The following ODAD2 variants were observed in gnomAD, a reference collection of about 807,000 sequenced individuals.
ODAD2 encodes outer dynein arm-docking complex subunit 2.
Under a neutral mutation model 106.8 loss-of-function variants are expected in ODAD2, and 89 were observed. That is an observed-to-expected ratio of 0.83 (90% CI 0.70 to 0.99). The LOEUF is 0.99. Among genes scored for constraint, ODAD2 ranks in the 50% least tolerant of loss-of-function variants. The pLI is 0.00. For synonymous variants in ODAD2, 404 were observed against 436.2 expected, an observed-to-expected ratio of 0.93 and a Z score of 0.92; for missense variants, 1,168 against 1,238.5, an observed-to-expected ratio of 0.94 and a Z score of 0.85.
At chr10:27,938,403 G>C (rs964283329) in intron 14 of ODAD2, among the ~76,000 whole-genome samples, 6 of 152,094 alleles carry the variant, frequency 3.9e-5, no homozygotes, top group Non-Finnish European at 7.4e-5. Flanking sequence ...ACAGGGAAAA[G>C]GCAGCCGTCT....
intron 7 of ODAD2, among the ~76,000 whole-genome samples, chr10:27,978,476 C>T (rs543819619): frequency 6.6e-6 from 1 of 152,112 alleles, no homozygotes; most frequent in African/African-American, 2.4e-5. Flanking sequence ...GGAGGGTCTA[C>T]AAAATGATGG....
chr10:27,892,509 T>C (rs10826359), intron 17 of ODAD2, among the ~76,000 whole-genome samples: 100,371 of 152,026 alleles, frequency 0.66, 33,490 homozygotes, highest in Middle Eastern at 0.74. Context: ...ACCGATAATT[T>C]TTAAGCTGGA....
intron 17 of ODAD2, among the ~76,000 whole-genome samples, chr10:27,869,176 C>A (rs1589866749): frequency 6.6e-6 from 1 of 151,854 alleles, no homozygotes; most frequent in East Asian, 1.9e-4. Context: ...AGCACAAGAA[C>A]AAATAAAGAT....
At chr10:27,837,213 CA>C (rs1213862893) in intron 19 of ODAD2, among the ~76,000 whole-genome samples, 1 of 152,228 alleles carries the variant, frequency 6.6e-6, no homozygotes, top group African/African-American at 2.4e-5. Context: ...CCTGTGACCA[CA>C]TGGTCCCGTA....
chr10:27,985,799 A>T (rs1849841097), intron 3 of ODAD2, among the ~76,000 whole-genome samples: 1 of 150,252 alleles, frequency 6.7e-6, no homozygotes. Context: ...TAATTTAATT[A>T]TATATATATT....
intron 9 of ODAD2, among the ~76,000 whole-genome samples, chr10:27,961,980 T>G (rs1848175449): frequency 6.6e-6 from 1 of 152,156 alleles, no homozygotes; most frequent in Admixed American, 6.6e-5. Flanking sequence ...TGCAGGAGGA[T>G]CACTTCAGCC....
chr10:27,935,526 G>T (rs563921348), intron 15 of ODAD2, among the ~76,000 whole-genome samples: 1 of 152,044 alleles, frequency 6.6e-6, no homozygotes, highest in East Asian at 1.9e-4. Context: ...CTCTACTAGG[G>T]TTTTTTCCCC....
intron 2 of ODAD2, among the ~76,000 whole-genome samples, chr10:27,993,071 T>C (rs556881174): frequency 5.9e-5 from 9 of 152,114 alleles, no homozygotes; most frequent in African/African-American, 1.9e-4. Context: ...CGTGCCACCA[T>C]GCCCGGCTAA....
intron 19 of ODAD2, among the ~76,000 whole-genome samples, chr10:27,833,616 T>C (rs913942968): frequency 2.0e-5 from 3 of 152,212 alleles, no homozygotes; most frequent in Admixed American, 1.3e-4. Flanking sequence ...ATTAGGATAT[T>C]ATGGTTATGT....
At chr10:27,849,440 C>T (rs2991937) in intron 19 of ODAD2, among the ~76,000 whole-genome samples, 151,386 of 151,386 alleles carry the variant, frequency 1, 75,693 homozygotes, top group Non-Finnish European at 1. Context: ...TTAGGAGATA[C>T]ACCTAATGTA....
rs1408807234 is a variant in ODAD2, at chr10:27,827,392, T to C, written c.3022-14767A>G. ...CACACACACACACTATATATATATA[T>C]ATATATATATATATATATATTCCAT... On this transcript the variant is annotated intron_variant, in intron 19 of 19. Coordinates refer to ENST00000305242, the MANE Select transcript of ODAD2 (RefSeq NM_018076.5). Among the ~76,000 whole-genome samples, 10 of 136,880 alleles carry C rather than the reference T, an allele frequency of 7.3e-5. No individual in the cohort carries two copies. The East Asian group carries it at 1.6e-3, about 21-fold the overall frequency. The allele number at this position is 136,880 out of a possible 152,430, so 89.8% of individuals were successfully genotyped here.
At chr10:27,974,125 G>T (rs948365136) in intron 7 of ODAD2, among the ~76,000 whole-genome samples, 10 of 152,070 alleles carry the variant, frequency 6.6e-5, no homozygotes, top group African/African-American at 2.4e-4. Context: ...TTTTTAGTGG[G>T]GTTGTTTGTT....
At chr10:27,858,541 T>C (rs981551769) in intron 19 of ODAD2, among the ~76,000 whole-genome samples, 2 of 152,040 alleles carry the variant, frequency 1.3e-5, no homozygotes, top group African/African-American at 4.8e-5. Flanking sequence ...CAGACACAAT[T>C]TTCCTTCTTT....
At chr10:27,855,238 C>T (rs1180423198) in intron 19 of ODAD2, among the ~76,000 whole-genome samples, 1 of 152,096 alleles carries the variant, frequency 6.6e-6, no homozygotes, top group Admixed American at 6.5e-5. Flanking sequence ...ATTTGATGTA[C>T]ATATGATATT....
chr10:27,836,276 T>C (rs1417881720), intron 19 of ODAD2: 1 of 152,134 alleles, frequency 6.6e-6, no homozygotes, highest in Non-Finnish European at 1.5e-5. Context: ...ATCATCCTCA[T>C]AGAACTGATA....
chr10:27,827,604 T>C (rs764907463), intron 19 of ODAD2, among the ~76,000 whole-genome samples: 19 of 152,006 alleles, frequency 1.2e-4, no homozygotes, highest in Non-Finnish European at 2.2e-4. Flanking sequence ...CTCTTGTTTT[T>C]ACTTGTCAAT....
intron 1 of ODAD2, chr10:27,997,624 T>C (rs1850632386): frequency 1.3e-5 from 2 of 152,156 alleles, no homozygotes; most frequent in Non-Finnish European, 2.9e-5. Flanking sequence ...TAGTGAACCG[T>C]AGCAATGCAC....
chr10:27,845,412 C>T (rs1360261556), intron 19 of ODAD2, among the ~76,000 whole-genome samples: 2 of 152,134 alleles, frequency 1.3e-5, no homozygotes, highest in Admixed American at 6.5e-5. Flanking sequence ...AAAAGAGCTC[C>T]TGAAGGAAGC....
intron 10 of ODAD2, among the ~76,000 whole-genome samples, chr10:27,952,045 A>G (rs1237827301): frequency 7.1e-6 from 1 of 141,812 alleles, no homozygotes; most frequent in Admixed American, 7.5e-5. Flanking sequence ...ACTGTACTCC[A>G]GCCTGGGCAA....
Sources: gnomAD v4.1 joint callset for allele counts (sites outside exome capture counted in the v4.1 genomes callset) on GRCh38, gnomAD v4.1.1 for gene constraint, MANE v1.5 for transcripts, NCBI Gene and HGNC (gene_info 2026-07-23, HGNC 2026-07-21) for gene names.